Variants in DNAH10 observed in about 807,000 individuals in gnomAD.
DNAH10 encodes dynein axonemal heavy chain 10.
In DNAH10, 348 loss-of-function variants were observed where a neutral mutation model predicts 506.6. The ratio of observed to expected loss-of-function variants is 0.69; its 90% CI spans 0.63 to 0.75. The LOEUF (loss-of-function observed/expected upper bound fraction) is 0.75. DNAH10 is among the 30% of genes least tolerant of loss of function. The pLI is 0.00. For synonymous variants in DNAH10, 2,059 were observed against 2,198.6 expected (o/e 0.94, Z 1.78); for missense variants, 5,179 against 5,787.1 (o/e 0.89, Z 3.41).
chr12:123,906,499 C>T (rs2137339664), intron 57 of DNAH10, among the ~76,000 whole-genome samples: 1 of 152,322 alleles, frequency 6.6e-6, no homozygotes, highest in Middle Eastern at 3.4e-3. Context: ...ACCTCAGCCT[C>T]CCAAAGTGTT....
At chr12:123,818,721 A>G (rs1406593689) in intron 21 of DNAH10, among the ~76,000 whole-genome samples, 1 of 152,120 alleles carries the variant, frequency 6.6e-6, no homozygotes, top group Non-Finnish European at 1.5e-5. Flanking sequence ...AGCTCAAGGG[A>G]TCCTCCTGCC....
At chr12:123,932,319 C>T (rs545181659) in intron 76 of DNAH10, among the ~76,000 whole-genome samples, 1 of 152,184 alleles carries the variant, frequency 6.6e-6, no homozygotes, top group African/African-American at 2.4e-5. Context: ...CTCTTACATA[C>T]CCGATTATTT....
At chr12:123,862,340 CCTCCTT>C (rs1268088112) in intron 39 of DNAH10, among the ~76,000 whole-genome samples, 1 of 151,674 alleles carries the variant, frequency 6.6e-6, no homozygotes, top group East Asian at 1.9e-4. Context: ...TCCTCCTCCT[CCTCCTT>C]CTCCTTCTTC....
intron 19 of DNAH10, 99 bp downstream of exon 19, chr12:123,809,052 TG>T: frequency 7.2e-7 from 1 of 1,398,076 alleles, no homozygotes; most frequent in Non-Finnish European, 9.8e-7. Flanking sequence ...CTGCCCAAGG[TG>T]GAATTCTTGA....
intron 52 of DNAH10, among the ~76,000 whole-genome samples, chr12:123,888,470 C>T (rs917115376): frequency 1.3e-5 from 2 of 152,134 alleles, no homozygotes; most frequent in Non-Finnish European, 2.9e-5. Flanking sequence ...TGACAGCTGT[C>T]CTTATAAGAG....
At chr12:123,791,974 C>T (rs1420456076) in intron 11 of DNAH10, among the ~76,000 whole-genome samples, 1 of 151,948 alleles carries the variant, frequency 6.6e-6, no homozygotes, top group Non-Finnish European at 1.5e-5. Context: ...GTTGTTAACC[C>T]CTATATTTTT....
intron 62 of DNAH10, among the ~76,000 whole-genome samples, chr12:123,915,700 C>T (rs966185328): frequency 2.6e-5 from 4 of 152,138 alleles, no homozygotes; most frequent in African/African-American, 9.7e-5. Context: ...TGCATCAGGG[C>T]GTCATTCCTT....
intron 5 of DNAH10, among the ~76,000 whole-genome samples, chr12:123,780,720 G>A (rs947501979): frequency 2.6e-5 from 4 of 151,358 alleles, no homozygotes; most frequent in African/African-American, 4.8e-5. Context: ...TTGGGAGGCC[G>A]GGGGTGGATC....
In DNAH10 at chr12:123,853,815, C is replaced by T. The variant is rs913029597; in HGVS notation, c.6438+463C>T. On this transcript the variant is annotated intron_variant, in intron 36 of 78. Transcript: ENST00000673944. The surrounding 1 kb of genome is among the most constrained non-coding windows in gnomAD (Gnocchi z 4.7). ...TAGTGACTGTACTCAATGTTGCACG[C>T]ACACACGCACGCACACACACGCACA... Among the ~76,000 whole-genome samples the T allele has an allele frequency of 1.3e-5, 2 of 151,450 alleles. No homozygotes were observed. The highest frequency in any genetic ancestry group is 3.2e-3 in the Middle Eastern group (1 of 316).
In DNAH10 at chr12:123,866,062, A is replaced by G; in HGVS notation, c.7156A>G (p.Ile2386Val). Residue 2386 changes from isoleucine to valine, a missense_variant, in exon 41 of 79, where the codon ATA (isoleucine) becomes GTA (valine). Transcript: ENST00000673944. ...RPYWKKWVNQ[I>V]PNKVEQYNLN... ...ATACTGGAAAAAATGGGTTAATCAA[A>G]TACCAAACAAGGTGAAATTTTTTTC... The G allele has an allele frequency of 2.5e-6, 4 of 1,604,270 alleles. No individual in the cohort carries two copies. The highest frequency in any genetic ancestry group is 3.4e-6 in the Non-Finnish European group (4 of 1,176,978).
At chr12:123,889,394 G>C (rs972788688) in intron 52 of DNAH10, among the ~76,000 whole-genome samples, 11 of 152,184 alleles carry the variant, frequency 7.2e-5, no homozygotes, top group Admixed American at 5.9e-4. Flanking sequence ...TCCTTGAGAG[G>C]GGGGATCGGG....
chr12:123,877,197 A>C (rs1042512200), intron 47 of DNAH10, among the ~76,000 whole-genome samples: 2 of 152,138 alleles, frequency 1.3e-5, no homozygotes, highest in African/African-American at 4.8e-5. Context: ...TGGGTATTTC[A>C]TATAAATAGA....
In DNAH10 at chr12:123,843,823, C is replaced by T. The variant is rs561983329; in HGVS notation, c.5361-1777C>T. ...GAACTCCCGACCTCAGGTGATCTGC[C>T]GGCCTCGGCCTCCCAAAGCGCTGGG... On this transcript the variant is annotated intron_variant, in intron 30 of 78. Coordinates refer to ENST00000673944, the MANE Select transcript of DNAH10 (RefSeq NM_001372106.1). Among the ~76,000 whole-genome samples, 38 of 152,332 alleles carry T rather than the reference C, an allele frequency of 2.5e-4. No homozygotes were observed. In the Middle Eastern group the frequency reaches 0.017, roughly 68 times the overall value.
chr12:123,797,929 C>T lies in DNAH10; in HGVS notation c.2163+1097C>T, dbSNP rs186806916. ...AGGGGTTTGGACAATTTCTCTGCAA[C>T]GACTCAACCTGTCGTTGCTGCAATA... On this transcript the variant is annotated intron_variant, in intron 13 of 78. Transcript: ENST00000673944. Among the ~76,000 whole-genome samples the T allele has an allele frequency of 4.5e-3, 689 of 152,348 alleles. 4 individuals carry two copies. The highest frequency in any genetic ancestry group is 7.1e-3 in the Non-Finnish European group (482 of 68,038).
intron 61 of DNAH10, 72 bp from the exon 62 acceptor site, chr12:123,914,780 G>A: frequency 6.4e-7 from 1 of 1,551,980 alleles, no homozygotes; most frequent in South Asian, 1.2e-5. Flanking sequence ...TGGAAGGCCA[G>A]TCCTACCACC....
Position 123,902,826 on chromosome 12 carries a change from A to C in DNAH10, c.9641-113A>C. On this transcript the variant is annotated intron_variant, in intron 56 of 78. Coordinates refer to ENST00000673944, the MANE Select transcript of DNAH10 (RefSeq NM_001372106.1). The surrounding 1 kb of genome is among the most constrained non-coding windows in gnomAD (Gnocchi z 4.5). ...TGCCACATTGGCCAGAGCCCCTTAG[A>C]TCCCCGCTAGGGCTCAAGCCAACCT... 1 of 1,342,942 alleles carries C rather than the reference A, an allele frequency of 7.4e-7. No individual in the cohort carries two copies. The highest frequency in any genetic ancestry group is 2.8e-5 in the Admixed American group (1 of 35,838). The allele number at this position is 1,342,942 out of a possible 1,614,324, so 83.2% of individuals were successfully genotyped here. A position where few individuals can be genotyped will look rare whatever the true frequency, so the allele number is the denominator to read the frequency against.
intron 3 of DNAH10, among the ~76,000 whole-genome samples, 152 bp from the exon 4 acceptor site, chr12:123,772,682 G>A (rs950281036): frequency 1.3e-5 from 2 of 152,204 alleles, no homozygotes; most frequent in African/African-American, 2.4e-5. Flanking sequence ...TCCTGTGTTT[G>A]GCTGGTACCC....
At chr12:123,783,886 C>T in intron 7 of DNAH10, 61 bp from the exon 8 acceptor site, 1 of 1,467,010 alleles carries the variant, frequency 6.8e-7, no homozygotes, top group East Asian at 2.3e-5. Context: ...GGAGAAACCA[C>T]CATAAGTGTC....
At chr12:123,781,677 G>C (rs1318730666) in intron 6 of DNAH10, among the ~76,000 whole-genome samples, 2 of 152,090 alleles carry the variant, frequency 1.3e-5, no homozygotes, top group African/African-American at 4.8e-5. Flanking sequence ...TGTTGGCCAG[G>C]CTGGTCTTAA....
Sources: gnomAD v4.1 joint callset for allele counts (sites outside exome capture counted in the v4.1 genomes callset) on GRCh38, gnomAD v4.1.1 for gene constraint, Gnocchi (gnomAD v3.1) non-coding constraint, MANE v1.5 for transcripts, NCBI Gene and HGNC (gene_info 2026-07-23, HGNC 2026-07-21) for gene names.